Variants in SHISA9 observed in about 807,000 individuals in gnomAD.
SHISA9 encodes the protein shisa family member 9.
A neutral mutation model predicts 38.0 loss-of-function variants in SHISA9; 13 were observed. The ratio of observed to expected loss-of-function variants is 0.34; its 90% CI spans 0.22 to 0.54. The LOEUF is 0.54. Ranked by LOEUF, SHISA9 falls within the 20% of genes least tolerant of loss-of-function variation. The pLI, the probability that SHISA9 is intolerant of heterozygous loss-of-function variation, is 0.91. For missense variants in SHISA9, 538 were observed against 575.8 expected (o/e 0.93, Z 0.67); for synonymous variants, 275 against 242.0 (o/e 1.14, Z -1.27).
chr16:13,386,478 C>T, the SHISA9 span, among the ~76,000 whole-genome samples: 2 of 152,202 alleles, frequency 1.3e-5, no homozygotes, highest in African/African-American at 2.4e-5. Flanking sequence ...AACTTAATTT[C>T]TCTGCCTAGC....
At chr16:13,214,955 T>A (rs915946746) in intron 4 of SHISA9, among the ~76,000 whole-genome samples, 2 of 152,092 alleles carry the variant, frequency 1.3e-5, no homozygotes, top group Non-Finnish European at 2.9e-5. Flanking sequence ...GTGGCCATTT[T>A]TTTTTTGCCG....
At position 12,902,145 on chromosome 16, in the gene SHISA9, G is replaced by C; in HGVS notation, c.81G>C (p.Ala27=). The change falls in exon 1 of 5, where the codon GCG becomes GCC. Residue 27 remains alanine, a synonymous_variant. Coordinates refer to ENST00000558583, the MANE Select transcript of SHISA9 (RefSeq NM_001145204.3). ...GCGTGTGCCGGGCGCAGGAGCGAGC[G>C]GGACACGGGCAGCTGGCGCAACTGG... ...CARVCRAQER[A]GHGQLAQLGG... 3.3e-6 allele frequency: 5 copies of C among 1,516,590 alleles called. No homozygotes were observed. The highest frequency in any genetic ancestry group is 4.4e-6 in the Non-Finnish European group (5 of 1,139,594). 93.9% of individuals were successfully genotyped at this position (1,516,590 alleles called of 1,614,324 possible).
At chr16:13,052,014 C>T (rs533982854) in intron 2 of SHISA9, among the ~76,000 whole-genome samples, 23 of 152,230 alleles carry the variant, frequency 1.5e-4, no homozygotes, top group East Asian at 1.4e-3. Flanking sequence ...CCGCCTGCCT[C>T]GGCCTCCCAA....
intron 2 of SHISA9, among the ~76,000 whole-genome samples, chr16:13,027,087 T>C (rs2072931833): frequency 2.6e-5 from 4 of 152,244 alleles, no homozygotes. Context: ...GCCCATTTAC[T>C]GAACAACGAA....
chr16:13,167,912 C>T (rs2050651931), intron 2 of SHISA9, among the ~76,000 whole-genome samples: 1 of 152,138 alleles, frequency 6.6e-6, no homozygotes, highest in African/African-American at 2.4e-5. Context: ...TCTTGGATTT[C>T]CTGTGTTGTT....
intron 2 of SHISA9, among the ~76,000 whole-genome samples, chr16:13,001,218 G>A (rs1301001666): frequency 2.0e-5 from 3 of 152,168 alleles, no homozygotes; most frequent in Non-Finnish European, 4.4e-5. Flanking sequence ...GTGAGCCACC[G>A]TGCCCAGCCA....
chr16:13,122,539 G>A (rs2050221187), intron 2 of SHISA9, among the ~76,000 whole-genome samples: 1 of 152,272 alleles, frequency 6.6e-6, no homozygotes, highest in East Asian at 1.9e-4. Context: ...TAGGTAGAGT[G>A]TCACCTGGAT....
the SHISA9 span, among the ~76,000 whole-genome samples, chr16:13,320,883 G>T: frequency 6.6e-6 from 1 of 152,262 alleles, no homozygotes; most frequent in South Asian, 2.1e-4. Context: ...GAATCTGAGT[G>T]TCTCTAAACT....
intron 2 of SHISA9, among the ~76,000 whole-genome samples, chr16:13,035,535 GC>G (rs2073045663): frequency 1.6e-5 from 1 of 62,050 alleles, no homozygotes; most frequent in Non-Finnish European, 3.0e-5. Flanking sequence ...GTAATTTTCA[GC>G]TTTTTTTTTT....
the SHISA9 span, among the ~76,000 whole-genome samples, chr16:13,550,892 C>T: frequency 2.0e-5 from 3 of 152,092 alleles, no homozygotes; most frequent in Admixed American, 2.0e-4. Flanking sequence ...GGGAGGCCAA[C>T]GTGGGCGGAT....
chr16:13,533,552 C>A, the SHISA9 span, among the ~76,000 whole-genome samples: 1 of 152,124 alleles, frequency 6.6e-6, no homozygotes, highest in Non-Finnish European at 1.5e-5. Context: ...AGGACCTCTT[C>A]ATCACCCCAC....
At chr16:12,957,653 G>T (rs185346857) in intron 2 of SHISA9, among the ~76,000 whole-genome samples, 1 of 152,104 alleles carries the variant, frequency 6.6e-6, no homozygotes, top group Non-Finnish European at 1.5e-5. Flanking sequence ...TATGAATTTG[G>T]GGGGAGGTAC....
the SHISA9 span, among the ~76,000 whole-genome samples, chr16:13,441,343 C>T: frequency 6.6e-6 from 1 of 152,190 alleles, no homozygotes; most frequent in Non-Finnish European, 1.5e-5. Flanking sequence ...AATTTGTGCA[C>T]CTACTTGGCA....
At chr16:13,076,537 T>C (rs1369447867) in intron 2 of SHISA9, among the ~76,000 whole-genome samples, 3 of 152,136 alleles carry the variant, frequency 2.0e-5, no homozygotes, top group Non-Finnish European at 4.4e-5. Context: ...TTTAGAGGTA[T>C]AGAACAAGAT....
the SHISA9 span, chr16:13,331,425 C>G: frequency 2.0e-5 from 3 of 151,736 alleles, no homozygotes; most frequent in East Asian, 5.8e-4. Context: ...GCTATTTATC[C>G]AAACTCTTCT....
rs1398638204 is a variant in SHISA9 at position 13,181,296 on chromosome 16, TATATATATATATATATAC to T, written c.692-22096_692-22079del. Among the ~76,000 whole-genome samples, 116 of 42,100 alleles carry T rather than the reference TATATATATATATATATAC, an allele frequency of 2.8e-3. 3 individuals carry two copies. The South Asian group carries it at 0.053, about 19-fold the overall frequency. The allele number at this position is 42,100 out of a possible 152,430, so 27.6% of individuals were successfully genotyped here. ...ATATATATATATATATATATATATATATATATATATATATATACACACACACACACACACACACATATA... is the reference window on the plus strand; with the variant it reads ...ATATATATATATATATATATATATATACACACACACACACACACACATATA... On this transcript the variant is annotated intron_variant, in intron 2 of 4. Coordinates refer to ENST00000558583, the MANE Select transcript of SHISA9 (RefSeq NM_001145204.3).
chr16:13,316,667 C>A, the SHISA9 span, among the ~76,000 whole-genome samples: 3 of 152,160 alleles, frequency 2.0e-5, no homozygotes, highest in East Asian at 1.9e-4. Flanking sequence ...CTAGGATATA[C>A]CCTCAATTGT....
intron 2 of SHISA9, among the ~76,000 whole-genome samples, chr16:12,979,741 T>G (rs1191256197): frequency 6.6e-6 from 1 of 152,224 alleles, no homozygotes; most frequent in African/African-American, 2.4e-5. Context: ...TTGTTTTGAC[T>G]GCTGTTTATC....
chr16:13,446,791 A>G, the SHISA9 span, among the ~76,000 whole-genome samples: 7 of 152,058 alleles, frequency 4.6e-5, no homozygotes, highest in Non-Finnish European at 1.5e-5. Context: ...AGCCTGGCCA[A>G]CATGATGAAA....
Sources: gnomAD v4.1 joint callset for allele counts (sites outside exome capture counted in the v4.1 genomes callset) on GRCh38, gnomAD v4.1.1 for gene constraint, MANE v1.5 for transcripts, NCBI Gene and HGNC (gene_info 2026-07-23, HGNC 2026-07-21) for gene names.